The following MCPH1 variants were observed in gnomAD, a reference collection of about 807,000 sequenced individuals.
MCPH1 encodes microcephalin 1.
In MCPH1, 104 loss-of-function variants were observed where a neutral mutation model predicts 84.5. That is an observed-to-expected ratio of 1.23 (90% CI 1.05 to 1.45). The LOEUF (loss-of-function observed/expected upper bound fraction) is 1.45. MCPH1 is among the 40% of genes most tolerant of loss of function. The pLI, the probability that MCPH1 is intolerant of heterozygous loss-of-function variation, is 0.00. For synonymous variants in MCPH1, 514 were observed against 366.8 expected, an observed-to-expected ratio of 1.40 and a Z score of -4.58; for missense variants, 1,498 against 1,005.7, an observed-to-expected ratio of 1.49 and a Z score of -6.62.
At chr8:6,594,756 C>T (rs908336644) in intron 12 of MCPH1, among the ~76,000 whole-genome samples, 2 of 150,622 alleles carry the variant, frequency 1.3e-5, no homozygotes, top group African/African-American at 5.0e-5. Flanking sequence ...CTTGCCATCT[C>T]TCATTTCTGC....
intron 12 of MCPH1, among the ~76,000 whole-genome samples, chr8:6,540,698 A>G (rs1321580090): frequency 6.6e-6 from 1 of 152,264 alleles, no homozygotes; most frequent in Non-Finnish European, 1.5e-5. Context: ...CTGTCTCACC[A>G]GATTCTCACA....
chr8:6,519,726 G>C (rs1381175603), intron 12 of MCPH1: 8 of 1,045,788 alleles, frequency 7.6e-6, no homozygotes, highest in Non-Finnish European at 1.1e-5. Context: ...AGGCGAGGTA[G>C]CTGCCCAGTA....
At chr8:6,415,018 TTG>T in intron 3 of MCPH1, 135 bp downstream of exon 3, 1 of 787,268 alleles carries the variant, frequency 1.3e-6, no homozygotes, top group Non-Finnish European at 1.9e-6. Context: ...ACCTAGTAAT[TTG>T]AAATCCTCCA....
intron 12 of MCPH1, among the ~76,000 whole-genome samples, chr8:6,569,317 C>A (rs971222441): frequency 6.6e-6 from 1 of 152,116 alleles, no homozygotes; most frequent in Admixed American, 6.5e-5. Flanking sequence ...AGATCTGTTT[C>A]GACTCCATTT....
chr8:6,528,426 C>T (rs562314003), intron 12 of MCPH1, among the ~76,000 whole-genome samples: 14 of 152,310 alleles, frequency 9.2e-5, no homozygotes, highest in African/African-American at 3.4e-4. Context: ...TCACATGCTT[C>T]CATTATATAA....
At chr8:6,573,585 GC>G (rs1318307268) in intron 12 of MCPH1, among the ~76,000 whole-genome samples, 2 of 152,336 alleles carry the variant, frequency 1.3e-5, no homozygotes, top group Admixed American at 1.3e-4. Context: ...AAAGAGCTTT[GC>G]CATCAAGTCA....
In MCPH1 at chr8:6,444,953, T is replaced by A; in HGVS notation, c.1231T>A (p.Ser411Thr). ...GGAGGCTCTTAGCTGTGGGGAGTCT[T>A]CATATGATGACTATTTTTCACCTGA... The part of the protein sequence containing the change: ...ALEALSCGES[S>T]YDDYFSPDNL... Residue 411 changes from serine (S) to threonine (T), a missense_variant, in exon 8 of 14, where the codon TCA becomes ACA. Physicochemically the swap from Ser to Thr is moderately conservative, Grantham distance 58. Transcript: ENST00000344683. 3 of 1,614,216 alleles carry A rather than the reference T, an allele frequency of 1.9e-6. No individual in the cohort carries two copies. The highest frequency in any genetic ancestry group is 2.5e-6 in the Non-Finnish European group (3 of 1,180,042).
chr8:6,422,908 T>G (rs1329547517), intron 3 of MCPH1, among the ~76,000 whole-genome samples: 1 of 151,874 alleles, frequency 6.6e-6, no homozygotes, highest in African/African-American at 2.4e-5. Flanking sequence ...CAGGATGGTC[T>G]CGATCTCCTG....
chr8:6,634,543 C>G (rs190078298), intron 13 of MCPH1, among the ~76,000 whole-genome samples: 1 of 152,330 alleles, frequency 6.6e-6, no homozygotes, highest in East Asian at 1.9e-4. Context: ...TAAACCTGCT[C>G]TCATGGGCAA....
At chr8:6,639,910 C>G (rs1477830644) in intron 13 of MCPH1, among the ~76,000 whole-genome samples, 2 of 151,892 alleles carry the variant, frequency 1.3e-5, no homozygotes, top group African/African-American at 4.8e-5. Context: ...ATTGTATTTA[C>G]TTATTTATTT....
intron 12 of MCPH1, among the ~76,000 whole-genome samples, chr8:6,561,696 C>A (rs945514385): frequency 7.9e-5 from 12 of 152,196 alleles, no homozygotes; most frequent in Admixed American, 7.9e-4. Flanking sequence ...TTTGTTTAAA[C>A]TTCCTTTAGA....
chr8:6,442,866 A>G (rs543609047), intron 7 of MCPH1, among the ~76,000 whole-genome samples: 31 of 152,338 alleles, frequency 2.0e-4, no homozygotes, highest in Admixed American at 1.1e-3. Context: ...TGGCATCAAG[A>G]TATTAGAAGT....
chr8:6,514,598 G>A, intron 12 of MCPH1: 1 of 1,254,714 alleles, frequency 8.0e-7, no homozygotes, highest in Non-Finnish European at 1.2e-6. Context: ...TTTGGGATTG[G>A]TGGTTAAGGT....
At chr8:6,497,505 AATAG>A (rs1449406259) in intron 11 of MCPH1, among the ~76,000 whole-genome samples, 1 of 152,044 alleles carries the variant, frequency 6.6e-6, no homozygotes, top group Admixed American at 6.5e-5. Flanking sequence ...GTCTAAAAAA[AATAG>A]AAAAGGAAGT....
intron 11 of MCPH1, 94 bp downstream of exon 11, chr8:6,480,970 G>T (rs1462851358): frequency 7.1e-7 from 1 of 1,413,574 alleles, no homozygotes; most frequent in Non-Finnish European, 9.9e-7. Context: ...AGGCCGGCGT[G>T]CACCCTTGTG....
intron 12 of MCPH1, among the ~76,000 whole-genome samples, chr8:6,598,808 G>C (rs562928102): frequency 6.6e-6 from 1 of 152,364 alleles, no homozygotes; most frequent in South Asian, 2.1e-4. Context: ...TCAGAGAGCG[G>C]ATGGCTGCCG....
chr8:6,498,702 C>T (rs1394337940), intron 11 of MCPH1, among the ~76,000 whole-genome samples: 1 of 152,160 alleles, frequency 6.6e-6, no homozygotes, highest in African/African-American at 2.4e-5. Context: ...TACGTTGCCT[C>T]TTGTCTGAAA....
At chr8:6,514,853 G>A in intron 12 of MCPH1, 1 of 1,313,746 alleles carries the variant, frequency 7.6e-7, no homozygotes, top group Non-Finnish European at 1.1e-6. Context: ...CAGGAGGAAT[G>A]TAGACCCTGA....
At chr8:6,462,415 C>T (rs1234847511) in intron 9 of MCPH1, among the ~76,000 whole-genome samples, 1 of 152,182 alleles carries the variant, frequency 6.6e-6, no homozygotes, top group Non-Finnish European at 1.5e-5. Context: ...GCATTAATTT[C>T]CCTTTTACTT....
Sources: allele counts gnomAD v4.1 joint callset (sites outside exome capture counted in the v4.1 genomes callset), GRCh38; gene constraint gnomAD v4.1.1; transcripts MANE v1.5; gene names NCBI Gene and HGNC (gene_info 2026-07-23, HGNC 2026-07-21).